Variants in THADA observed in about 807,000 individuals in gnomAD.
THADA encodes THADA armadillo repeat containing.
In THADA, 213 loss-of-function variants were observed where a neutral mutation model predicts 219.8. The ratio of observed to expected loss-of-function variants is 0.97; its 90% CI spans 0.87 to 1.09. The LOEUF (loss-of-function observed/expected upper bound fraction) is 1.09, where lower values mean the gene tolerates loss of function less well. Ranked by LOEUF, THADA falls within the 50% of genes least tolerant of loss-of-function variation. The pLI is 0.00. For synonymous variants in THADA, 1,018 were observed against 828.9 expected (o/e 1.23, Z -3.92); for missense variants, 2,956 against 2,311.3 (o/e 1.28, Z -5.72).
intron 26 of THADA, among the ~76,000 whole-genome samples, chr2:43,471,690 A>C (rs188590789): frequency 1.3e-5 from 2 of 152,314 alleles, no homozygotes; most frequent in East Asian, 3.9e-4. Flanking sequence ...AACAACAATC[A>C]AACACTTACT....
In THADA at chr2:43,586,914, A is replaced by C; in HGVS notation, c.391T>G (p.Leu131Val). 6.2e-7 allele frequency: 1 copy of C among 1,613,900 alleles called. No individual in the cohort carries two copies. Among genetic ancestry groups the C allele is most frequent in the Non-Finnish European group, 8.5e-7 (1 of 1,179,834 alleles). The change falls in exon 5 of 38, where the codon TTA becomes GTA. Residue 131 changes from leucine (L) to valine (V), a missense_variant. Transcript: ENST00000405975. ...TCAGTAACTTTCCTGTAAGAGTATA[A>C]GTCAGTAGTATTCAATTCTTCCTGA... is the stretch of plus-strand genomic sequence containing the variant. ...RLQEELNTTDLYSYRKVTDNI... is the reference protein window; with the variant it reads ...RLQEELNTTDVYSYRKVTDNI...
chr2:43,243,534 A>C (rs1333435726), intron 36 of THADA, among the ~76,000 whole-genome samples: 1 of 151,944 alleles, frequency 6.6e-6, no homozygotes, highest in Non-Finnish European at 1.5e-5. Context: ...GCCGGTCTCT[A>C]TTTGGGGCAG....
intron 22 of THADA, among the ~76,000 whole-genome samples, chr2:43,518,452 A>G (rs1692008437): frequency 6.6e-6 from 1 of 152,126 alleles, no homozygotes; most frequent in African/African-American, 2.4e-5. Context: ...TCCTACTGAA[A>G]TCCCCAAACA....
chr2:43,535,853 G>A (rs1490737411), intron 21 of THADA, among the ~76,000 whole-genome samples: 4 of 151,876 alleles, frequency 2.6e-5, no homozygotes, highest in African/African-American at 7.2e-5. Context: ...ACTGACACTC[G>A]CTCTGTCACC....
chr2:43,268,684 G>A (rs1014049840), intron 36 of THADA, among the ~76,000 whole-genome samples: 19 of 152,174 alleles, frequency 1.2e-4, no homozygotes, highest in African/African-American at 3.4e-4. Context: ...GGTCGCCACC[G>A]TGGCCAGTGA....
At chr2:43,456,315 A>G (rs1423934306) in intron 26 of THADA, among the ~76,000 whole-genome samples, 2 of 152,252 alleles carry the variant, frequency 1.3e-5, no homozygotes, top group Non-Finnish European at 2.9e-5. Flanking sequence ...TCCAATGGCA[A>G]TTAAAAAATA....
At chr2:43,324,126 G>A (rs1644747970) in intron 30 of THADA, among the ~76,000 whole-genome samples, 1 of 152,206 alleles carries the variant, frequency 6.6e-6, no homozygotes, top group South Asian at 2.1e-4. Flanking sequence ...AAGAGAAGTT[G>A]TTGAGAAACC....
Position 43,574,875 on chromosome 2 carries a change from T to G in THADA, c.1190A>C (p.Tyr397Ser). Residue 397 changes from tyrosine (Y) to serine (S), a missense_variant, in exon 11 of 38, where the codon TAT becomes TCT. Coordinates refer to ENST00000405975, the MANE Select transcript of THADA (RefSeq NM_022065.5). Reference protein sequence around the residue: ...SIVGRLLEYVYTHWEHPLDAL... With the variant: ...SIVGRLLEYVSTHWEHPLDAL... ...ATCCAATGGATGTTCCCAATGGGTA[T>G]AGACATATTCCAAAAGTCTCCCAAC... 1.2e-6 allele frequency: 2 copies of G among 1,614,020 alleles called. No individual in the cohort carries two copies. Among genetic ancestry groups the G allele is most frequent in the South Asian group, 2.2e-5 (2 of 91,084 alleles).
chr2:43,319,638 C>T (rs1678464183), intron 31 of THADA, among the ~76,000 whole-genome samples: 1 of 152,150 alleles, frequency 6.6e-6, no homozygotes, highest in South Asian at 2.1e-4. Context: ...CATTGACAGA[C>T]TAAATGTAAC....
At position 43,230,999 on chromosome 2, in the gene THADA, A is replaced by T. The variant is rs377552891; in HGVS notation, c.5811T>A (p.Ser1937=). ...GAGTTAACTGCCTCGATTCTGCATA[A>T]GAGTCCCAAACACTGAGAACTAGGG... The part of the protein sequence containing the change: ...EDTLVLSVWD[S]YAESRQLTLP... Residue 1937 remains serine, a synonymous_variant, in exon 38 of 38, where the codon TCT becomes TCA. Coordinates refer to ENST00000405975, the MANE Select transcript of THADA (RefSeq NM_022065.5). 17 of 1,613,866 alleles carry T rather than the reference A, an allele frequency of 1.1e-5. No individual in the cohort carries two copies. The highest frequency in any genetic ancestry group is 1.3e-5 in the Non-Finnish European group (15 of 1,179,820).
rs1693362836 is a variant in THADA at position 43,527,894 on chromosome 2, G to T, written c.3359C>A (p.Thr1120Asn). The T allele has an allele frequency of 3.7e-6, 6 of 1,611,352 alleles. No individual in the cohort carries two copies. Among genetic ancestry groups the T allele is most frequent in the Non-Finnish European group, 5.1e-6 (6 of 1,178,128 alleles). The change falls in exon 22 of 38, where the codon ACT (threonine) becomes AAT (asparagine). Residue 1120 changes from threonine to asparagine, a missense_variant. Coordinates refer to ENST00000405975, the MANE Select transcript of THADA (RefSeq NM_022065.5). ...ELAYTGFVKL[T>N]EVLNRCPNVS... ...TTTGTTTTACCTGTTTAGTACTTCA[G>T]TGAGTTTCACAAAACCAGTATAAGC...
intron 28 of THADA, among the ~76,000 whole-genome samples, chr2:43,407,005 A>T (rs1675623366): frequency 6.6e-6 from 1 of 152,080 alleles, no homozygotes; most frequent in African/African-American, 2.4e-5. Context: ...GCAGCCACTG[A>T]CTCTTTAAAG....
At chr2:43,382,077 A>G (rs1226332331) in intron 29 of THADA, among the ~76,000 whole-genome samples, 2 of 152,240 alleles carry the variant, frequency 1.3e-5, no homozygotes, top group African/African-American at 4.8e-5. Context: ...AAAACTGTTA[A>G]CACCATCAAA....
At chr2:43,504,861 G>A (rs1357050619) in intron 24 of THADA, among the ~76,000 whole-genome samples, 2 of 152,186 alleles carry the variant, frequency 1.3e-5, no homozygotes, top group African/African-American at 2.4e-5. Context: ...TCCAGCATGA[G>A]CAACAGAGTG....
At chr2:43,552,452 G>C (rs1207586011) in intron 17 of THADA, 113 bp from the exon 18 acceptor site, 6 of 1,147,296 alleles carry the variant, frequency 5.2e-6, no homozygotes, top group Non-Finnish European at 6.0e-6. Context: ...CTTTACACTA[G>C]AGTTTTTTAA....
chr2:43,485,255 T>C lies in THADA; in HGVS notation c.3815A>G (p.Asp1272Gly), dbSNP rs777645816. The C allele has an allele frequency of 1.4e-5, 22 of 1,612,686 alleles. No homozygotes were observed. In the African/African-American group the frequency reaches 1.5e-4, roughly 11 times the overall value. The change falls in exon 26 of 38, where the codon GAT (aspartate) becomes GGT (glycine). Residue 1272 changes from aspartate to glycine, a missense_variant. Physicochemically the swap from Asp to Gly is moderately conservative, Grantham distance 94. Transcript: ENST00000405975. ...TTACCTATTTGTTTTGGAATGTTCA[T>C]CCTTTGCCCTTTTAACTCCAAAAAT... Reference protein sequence around the residue: ...TRIFGVKRAKDEHSKTNRMTG... With the variant: ...TRIFGVKRAKGEHSKTNRMTG...
At chr2:43,355,173 TATG>T (rs1668741504) in intron 29 of THADA, among the ~76,000 whole-genome samples, 1 of 152,220 alleles carries the variant, frequency 6.6e-6, no homozygotes, top group Admixed American at 6.5e-5. Context: ...TCTTGGATAT[TATG>T]AACAGTGCTG....
intron 31 of THADA, among the ~76,000 whole-genome samples, chr2:43,294,013 C>T (rs969679198): frequency 2.0e-5 from 3 of 152,158 alleles, no homozygotes; most frequent in Non-Finnish European, 4.4e-5. Context: ...GAAACCACAG[C>T]CCTTCTTTTT....
At chr2:43,429,890 C>G (rs147212946) in intron 27 of THADA, among the ~76,000 whole-genome samples, 23 of 150,252 alleles carry the variant, frequency 1.5e-4, no homozygotes, top group Non-Finnish European at 2.8e-4. Context: ...GCAGTCTGAC[C>G]GTGCACAGTG....
Sources: allele counts gnomAD v4.1 joint callset (sites outside exome capture counted in the v4.1 genomes callset), GRCh38; gene constraint gnomAD v4.1.1; transcripts MANE v1.5; gene names NCBI Gene and HGNC (gene_info 2026-07-23, HGNC 2026-07-21).